The following LRRC37A3 variants were observed in gnomAD, a reference collection of about 807,000 sequenced individuals.
LRRC37A3 encodes leucine-rich repeat-containing protein 37A3.
LRRC37A3 carries 25 observed loss-of-function variants against 106.2 expected under a neutral mutation model. The observed-to-expected ratio is 0.24, with a 90% CI of 0.17 to 0.33. The LOEUF is 0.33. Among genes scored for constraint, LRRC37A3 ranks in the 10% least tolerant of loss-of-function variants. LRRC37A3 has a pLI of 1.00. For synonymous variants in LRRC37A3, 305 were observed against 635.8 expected (o/e 0.48, Z 7.83); for missense variants, 712 against 1,644.9 (o/e 0.43, Z 9.81).
chr17:64,866,091 A>G (rs910114098), intron 10 of LRRC37A3, among the ~76,000 whole-genome samples: 6 of 151,990 alleles, frequency 3.9e-5, no homozygotes, highest in African/African-American at 1.5e-4. Context: ...CTCCCATAAG[A>G]CAGTTAGTTC....
chr17:64,854,617 C>G lies in LRRC37A3; in HGVS notation c.4887G>C (p.Glu1629Asp). Residue 1629 changes from glutamate (E) to aspartate (D), a missense_variant, in exon 15 of 15, where the codon GAG becomes GAC. Physicochemically the swap from Glu to Asp is conservative, Grantham distance 45. Coordinates refer to ENST00000584306, the MANE Select transcript of LRRC37A3 (RefSeq NM_199340.5). ...TCTCCTCCTATGGCAGGGCTTCACT[C>G]TCCTCCTCCGTTGGGGCTTCGCTGT... ...SRDSEAPTEE[E>D]SEALP 1.9e-6 allele frequency: 3 copies of G among 1,613,866 alleles called. No homozygotes were observed. The highest frequency in any genetic ancestry group is 2.5e-6 in the Non-Finnish European group (3 of 1,179,872).
chr17:64,888,258 C>T (rs1973883604), intron 6 of LRRC37A3, among the ~76,000 whole-genome samples: 1 of 147,758 alleles, frequency 6.8e-6, no homozygotes, highest in Non-Finnish European at 1.5e-5. Flanking sequence ...TACACAATGG[C>T]CCTTTAAAGT....
chr17:64,871,470 T>G (rs564826863), intron 8 of LRRC37A3: 1 of 151,682 alleles, frequency 6.6e-6, no homozygotes, highest in African/African-American at 2.4e-5. Flanking sequence ...CTATGGTCAA[T>G]GAGACTTTTT....
chr17:64,860,726 C>T lies in LRRC37A3; in HGVS notation c.3420G>A (p.Pro1140=), dbSNP rs762382401. Residue 1140 remains proline, a synonymous_variant, in exon 12 of 15, where the codon CCG becomes CCA. Coordinates refer to ENST00000584306, the MANE Select transcript of LRRC37A3 (RefSeq NM_199340.5). ...VNLDVKSLLL[P]FIKLPTTGNS... is the part of the protein sequence containing the mutation. The stretch of plus-strand genomic sequence containing the variant: ...TTCCTGTGGTTGGCAGTTTAATGAA[C>T]GGTAGTAACAGTGATTTCACATCTA... 69 of 1,613,844 alleles carry T rather than the reference C, an allele frequency of 4.3e-5. No homozygotes were observed. Among genetic ancestry groups the T allele is most frequent in the Middle Eastern group, 3.3e-4 (2 of 6,078 alleles).
At chr17:64,864,726 G>A (rs1442842703) in intron 10 of LRRC37A3, among the ~76,000 whole-genome samples, 8 of 151,582 alleles carry the variant, frequency 5.3e-5, no homozygotes, top group African/African-American at 1.9e-4. Flanking sequence ...CATTATAATA[G>A]TACCTACCTC....
At chr17:64,916,714 A>G (rs1198916122) in intron 2 of LRRC37A3, among the ~76,000 whole-genome samples, 1 of 150,518 alleles carries the variant, frequency 6.6e-6, no homozygotes, top group South Asian at 2.1e-4. Flanking sequence ...TGAACCCAGA[A>G]GGTGGCGGCT....
At chr17:64,861,465 T>C (rs1388200698) in intron 11 of LRRC37A3, among the ~76,000 whole-genome samples, 3 of 152,184 alleles carry the variant, frequency 2.0e-5, no homozygotes, top group Admixed American at 2.0e-4. Context: ...AGGGTGGAGA[T>C]GCTAAAGTGG....
chr17:64,855,772 A>G (rs1256156279), intron 14 of LRRC37A3, 68 bp downstream of exon 14: 2 of 1,605,440 alleles, frequency 1.2e-6, no homozygotes, highest in Non-Finnish European at 1.7e-6. Flanking sequence ...ATTGCACTCC[A>G]GCCTGGCAAC....
intron 8 of LRRC37A3, among the ~76,000 whole-genome samples, chr17:64,871,230 T>C (rs1973301230): frequency 1.3e-5 from 2 of 151,726 alleles, no homozygotes; most frequent in South Asian, 4.2e-4. Context: ...AGGACCTCTA[T>C]GAGAATTACA....
At chr17:64,871,938 C>G (rs868653180) in intron 8 of LRRC37A3, among the ~76,000 whole-genome samples, 2 of 152,004 alleles carry the variant, frequency 1.3e-5, no homozygotes, top group Middle Eastern at 3.4e-3. Context: ...TCGAGACCAT[C>G]CTGGCTAACA....
rs184344165 is a variant in LRRC37A3, at chr17:64,916,002, G to C, written c.-496+2748C>G. On this transcript the variant is annotated intron_variant, in intron 2 of 14. Transcript: ENST00000584306. ...GGTCCTAACTACTTCAGAGGCTGAG[G>C]TGGTGGGAGGATCACCTTGAACCTG... Among the ~76,000 whole-genome samples, 263 of 152,294 alleles carry C rather than the reference G, an allele frequency of 1.7e-3. 1 individual carries two copies. Among genetic ancestry groups the C allele is most frequent in the African/African-American group, 6.0e-3 (251 of 41,564 alleles).
intron 8 of LRRC37A3, chr17:64,871,603 G>A (rs541667993): frequency 6.6e-6 from 1 of 151,982 alleles, no homozygotes; most frequent in Non-Finnish European, 1.5e-5. Context: ...TCCTGAACTG[G>A]GCTGGTACAC....
chr17:64,913,575 G>A (rs1391502346), intron 2 of LRRC37A3, among the ~76,000 whole-genome samples: 1 of 151,518 alleles, frequency 6.6e-6, no homozygotes, highest in African/African-American at 2.4e-5. Flanking sequence ...CCTGACCTCA[G>A]GTGATCCACC....
intron 2 of LRRC37A3, among the ~76,000 whole-genome samples, chr17:64,917,007 A>G (rs1304550330): frequency 6.6e-6 from 1 of 151,274 alleles, no homozygotes; most frequent in Non-Finnish European, 1.5e-5. Flanking sequence ...GCACTTTGGG[A>G]GGCCGAGGCG....
rs1417725693 is a variant in LRRC37A3 at position 64,891,207 on chromosome 17, GA to G, written c.2681+1321del. On this transcript the variant is annotated intron_variant, in intron 5 of 14. Transcript: ENST00000584306. The stretch of plus-strand genomic sequence containing the variant: ...TCCTTCTATAAATCAGTAAGAAAAT[GA>G]TAAAACAATTCAACAGGAAAATGAA... Among the ~76,000 whole-genome samples the G allele has an allele frequency of 9.0e-5, 8 of 89,254 alleles. 1 individual carries two copies. Among genetic ancestry groups the G allele is most frequent in the Non-Finnish European group, 2.0e-5 (1 of 50,012 alleles). The allele number at this position is 89,254 out of a possible 152,430, so 58.6% of individuals were successfully genotyped here. A position where few individuals can be genotyped will look rare whatever the true frequency, so the allele number is the denominator to read the frequency against.
At chr17:64,913,218 G>A (rs572494644) in intron 2 of LRRC37A3, among the ~76,000 whole-genome samples, 1,812 of 151,708 alleles carry the variant, frequency 0.012, 3 homozygotes, top group Non-Finnish European at 0.019. Flanking sequence ...TAGTAGAGAC[G>A]GGGTTTCACC....
chr17:64,862,449 C>T (rs1972906745), intron 11 of LRRC37A3, among the ~76,000 whole-genome samples: 1 of 151,752 alleles, frequency 6.6e-6, no homozygotes, highest in Non-Finnish European at 1.5e-5. Flanking sequence ...AACAGCATCA[C>T]TTGTACTCTT....
chr17:64,875,053 C>G (rs1567771341), intron 8 of LRRC37A3, among the ~76,000 whole-genome samples: 1 of 151,656 alleles, frequency 6.6e-6, no homozygotes, highest in Non-Finnish European at 1.5e-5. Context: ...TATGACCCTG[C>G]CAAATCCCCC....
In LRRC37A3 at chr17:64,859,659, T is replaced by C. The variant is rs781362920; in HGVS notation, c.4487A>G (p.His1496Arg). 1.4e-5 allele frequency: 22 copies of C among 1,613,770 alleles called. No individual in the cohort carries two copies. The highest frequency in any genetic ancestry group is 2.2e-5 in the East Asian group (1 of 44,872). Residue 1496 changes from histidine (H) to arginine (R), a missense_variant, in exon 12 of 15, where the codon CAT becomes CGT. His to Arg is a conservative substitution (Grantham distance 29). Transcript: ENST00000584306. ...PNNNVRRLIA[H>R]VIRTLKMDCS... The stretch of plus-strand genomic sequence containing the variant: ...GTCCATCTTCAAGGTCCGGATAACA[T>C]GAGCAATGAGCCTTCTCACATTGTT...
Sources: allele counts gnomAD v4.1 joint callset (sites outside exome capture counted in the v4.1 genomes callset), GRCh38; gene constraint gnomAD v4.1.1; transcripts MANE v1.5; gene names NCBI Gene and HGNC (gene_info 2026-07-23, HGNC 2026-07-21).